MACF1: variants seen among roughly 807,000 people sequenced by gnomAD.
The protein encoded by MACF1 is microtubule actin crosslinking factor 1.
Under a neutral mutation model 854.8 loss-of-function variants are expected in MACF1, and 193 were observed. The observed-to-expected ratio is 0.23, with a 90% CI of 0.20 to 0.25. The LOEUF (loss-of-function observed/expected upper bound fraction) is 0.25, where lower values mean the gene tolerates loss of function less well. MACF1 is among the 10% of genes least tolerant of loss of function. The pLI is 1.00. For missense variants in MACF1, 7,722 were observed against 8,929.1 expected (o/e 0.86, Z 5.45); for synonymous variants, 3,185 against 3,226.7 (o/e 0.99, Z 0.44).
chr1:39,173,078 T>C (rs604536), intron 2 of MACF1, among the ~76,000 whole-genome samples: 144,160 of 152,240 alleles, frequency 0.95, 68,326 homozygotes, highest in East Asian at 1. Flanking sequence ...CGCGGTGGCT[T>C]TGCCTATAAT....
At chr1:39,117,178 T>A (rs1642569036) in intron 2 of MACF1, among the ~76,000 whole-genome samples, 1 of 152,220 alleles carries the variant, frequency 6.6e-6, no homozygotes, top group Non-Finnish European at 1.5e-5. Context: ...TCAGAGTTTA[T>A]CTGACCTTTA....
In MACF1 at chr1:39,164,588, T is replaced by C. The variant is rs946278838; in HGVS notation, c.221-66594T>C. On this transcript the variant is annotated intron_variant, in intron 2 of 93. Transcript: ENST00000361689. ...AACTCTAGGCATTTAAATAGCTTCA[T>C]TGATCCTTCCAACCCTAGTACCCTT... Among the ~76,000 whole-genome samples, 5 of 152,228 alleles carry C rather than the reference T, an allele frequency of 3.3e-5. No homozygotes were observed. In the East Asian group the frequency reaches 5.8e-4, roughly 18 times the overall value.
chr1:39,361,343 C>T lies in MACF1; in HGVS notation c.12454-17C>T, dbSNP rs371752275. The T allele has an allele frequency of 1.6e-5, 26 of 1,607,400 alleles. No homozygotes were observed. The highest frequency in any genetic ancestry group is 2.2e-5 in the South Asian group (2 of 90,898). ...AATAAGTGAACCAGGAGCTGACAGA[C>T]GTGTTCTTCATGACAGAAATTGAAG... On this transcript the variant is annotated splice_polypyrimidine_tract_variant and intron_variant, in intron 48 of 100. Coordinates refer to ENST00000564288, the MANE Select transcript of MACF1 (RefSeq NM_001394062.1).
In MACF1 at chr1:39,332,183, C is replaced by G. The variant is rs1423598536; in HGVS notation, c.5595C>G (p.Ala1865=). The G allele has an allele frequency of 6.2e-7, 1 of 1,613,868 alleles. No homozygotes were observed. The highest frequency in any genetic ancestry group is 8.5e-7 in the Non-Finnish European group (1 of 1,179,980). The change falls in exon 37 of 101, where the codon GCC becomes GCG. Residue 1865 remains alanine (A), a synonymous_variant. Transcript: ENST00000564288. ...GAGAGATCCTCCCAATTACAGATGC[C>G]CTAGAACAAGGTATTGTGTCTACTG... ...ESGEILPITD[A]LEQGIVSTEL...
intron 91 of MACF1, chr1:39,459,857 T>C (rs775665991): frequency 7.7e-7 from 1 of 1,303,894 alleles, no homozygotes; most frequent in South Asian, 1.2e-5. Flanking sequence ...TTTTGTTTAT[T>C]TTTTCCTTAG....
chr1:39,115,931 G>A (rs1214206408), intron 2 of MACF1, among the ~76,000 whole-genome samples: 2 of 152,184 alleles, frequency 1.3e-5, no homozygotes, highest in Non-Finnish European at 2.9e-5. Flanking sequence ...CCAAAATAAA[G>A]GTTACTGCTA....
rs745452967 is a variant in MACF1, at chr1:39,333,863, C to G, written c.7275C>G (p.Ala2425=). 1.2e-6 allele frequency: 2 copies of G among 1,614,126 alleles called. No homozygotes were observed. Among genetic ancestry groups the G allele is most frequent in the Non-Finnish European group, 1.7e-6 (2 of 1,180,016 alleles). ...GCAAAAAAGTTTCAGTAACTTTGGC[C>G]TCAACTCTTGGCTTGGTGGACGTTG... ...KRGKKVSVTL[A]STLGLVDVAD... The change falls in exon 37 of 101, where the codon GCC becomes GCG. Residue 2425 remains alanine (A), a synonymous_variant. Transcript: ENST00000564288.
Position 39,335,122 on chromosome 1 carries a change from A to C in MACF1, c.8534A>C (p.Lys2845Thr), listed in dbSNP as rs1348093662. 6.2e-7 allele frequency: 1 copy of C among 1,614,180 alleles called. No individual in the cohort carries two copies. Among genetic ancestry groups the C allele is most frequent in the Admixed American group, 1.7e-5 (1 of 60,024 alleles). The change falls in exon 37 of 101, where the codon AAG becomes ACG. Residue 2845 changes from lysine (K) to threonine (T), a missense_variant. Around this residue, in one of 15 missense-constraint regions of MACF1, gnomAD observed 5 missense variants for 19.1 expected, o/e 0.26. Transcript: ENST00000564288. ...QAKKSREISL[K>T]EFGCKDQRKP... ...AAAAAGAGCAGGGAAATTTCCTTAA[A>C]GGAATTTGGGTGCAAGGATCAACGT...
chr1:39,351,475 C>T (rs1647182936), intron 43 of MACF1, among the ~76,000 whole-genome samples: 1 of 152,038 alleles, frequency 6.6e-6, no homozygotes, highest in Non-Finnish European at 1.5e-5. Flanking sequence ...TCCCCAAACC[C>T]CCAAACATCT....
chr1:39,390,566 G>A (rs1047771343), intron 58 of MACF1, among the ~76,000 whole-genome samples: 3 of 152,186 alleles, frequency 2.0e-5, no homozygotes, highest in African/African-American at 7.2e-5. Context: ...TAGAGAAAAC[G>A]TAAACCCGTG....
intron 2 of MACF1, among the ~76,000 whole-genome samples, chr1:39,169,941 T>A (rs1643925355): frequency 7.0e-6 from 1 of 143,052 alleles, no homozygotes; most frequent in African/African-American, 2.6e-5. Context: ...GCCCAGCTAA[T>A]TTTTTTTTTT....
At chr1:39,360,330 T>C (rs1013209017) in intron 47 of MACF1, among the ~76,000 whole-genome samples, 1 of 151,792 alleles carries the variant, frequency 6.6e-6, no homozygotes, top group Non-Finnish European at 1.5e-5. Flanking sequence ...TTAATTGTGA[T>C]GCATCTTCCT....
At chr1:39,302,807 G>A in intron 22 of MACF1, 117 bp from the exon 23 acceptor site, 1 of 964,562 alleles carries the variant, frequency 1.0e-6, no homozygotes, top group East Asian at 2.6e-5. Flanking sequence ...AGTGATAGCA[G>A]ATCTTTTCTT....
chr1:39,342,382 T>C (rs1407684189), intron 40 of MACF1, among the ~76,000 whole-genome samples: 2 of 152,170 alleles, frequency 1.3e-5, no homozygotes, highest in African/African-American at 2.4e-5. Flanking sequence ...GTCTTTATGA[T>C]AGAATGATTT....
chr1:39,414,210 C>A (rs1310932622), intron 58 of MACF1: 16 of 1,613,736 alleles, frequency 9.9e-6, no homozygotes, highest in Non-Finnish European at 1.2e-5. Context: ...CAGTGCCCAC[C>A]CCAGAGGTGC....
chr1:39,399,371 C>CTTTTTTTTTT (rs1330401656), intron 58 of MACF1, among the ~76,000 whole-genome samples: 3 of 96,742 alleles, frequency 3.1e-5, no homozygotes, highest in Admixed American at 1.2e-4. Flanking sequence ...CTTTATAAAG[C>CTTTTTTTTTT]TTTTTTTTTT....
intron 2 of MACF1, among the ~76,000 whole-genome samples, chr1:39,162,307 C>T (rs1038825875): frequency 2.0e-5 from 3 of 152,124 alleles, no homozygotes; most frequent in Non-Finnish European, 2.9e-5. Context: ...CGGCCTCTGT[C>T]GCTTAAGTAA....
At chr1:39,407,857 G>GT (rs760480040) in intron 58 of MACF1, among the ~76,000 whole-genome samples, 2 of 152,138 alleles carry the variant, frequency 1.3e-5, no homozygotes, top group Non-Finnish European at 2.9e-5. Context: ...TTTAATAGAT[G>GT]TTTTTTTCCT....
chr1:39,253,246 T>C (rs557762320), intron 4 of MACF1, among the ~76,000 whole-genome samples: 1 of 152,274 alleles, frequency 6.6e-6, no homozygotes, highest in South Asian at 2.1e-4. Flanking sequence ...GATGGGGTTC[T>C]CTCCAGTGGG....
Sources: gnomAD v4.1 joint callset for allele counts (sites outside exome capture counted in the v4.1 genomes callset) on GRCh38, gnomAD v4.1.1 for gene constraint, gnomAD v4.1.1 regional missense constraint, MANE v1.5 for transcripts, NCBI Gene and HGNC (gene_info 2026-07-23, HGNC 2026-07-21) for gene names.